DTX3L: variants seen among roughly 807,000 people sequenced by gnomAD.
DTX3L encodes E3 ubiquitin-protein ligase DTX3L.
Under a neutral mutation model 60.9 loss-of-function variants are expected in DTX3L, and 34 were observed. The ratio of observed to expected loss-of-function variants is 0.56; its 90% CI spans 0.42 to 0.74. The LOEUF is 0.74. Ranked by LOEUF, DTX3L falls within the 30% of genes least tolerant of loss-of-function variation. DTX3L has a pLI of 0.00. For synonymous variants in DTX3L, 290 were observed against 316.6 expected (o/e 0.92, Z 0.89); for missense variants, 810 against 874.0 (o/e 0.93, Z 0.92).
Position 122,569,381 on chromosome 3 carries a change from T to G in DTX3L, c.1292T>G (p.Val431Gly), listed in dbSNP as rs1379130199. The G allele has an allele frequency of 6.2e-7, 1 of 1,614,060 alleles. No individual in the cohort carries two copies. The highest frequency in any genetic ancestry group is 8.5e-7 in the Non-Finnish European group (1 of 1,180,042). ...AAGGACAGGCAGGTAGATCTATCTG[T>G]GCATGCTTATGCAAGTTTCATCGAT... is the stretch of plus-strand genomic sequence containing the variant. The part of the protein sequence containing the change: ...ESKDRQVDLS[V>G]HAYASFIDAF... Residue 431 changes from valine to glycine, a missense_variant, in exon 3 of 5, where the codon GTG becomes GGG. By Grantham distance (109) the Val-to-Gly change is moderately radical. Coordinates refer to ENST00000296161, the MANE Select transcript of DTX3L (RefSeq NM_138287.3).
At position 122,570,625 on chromosome 3, in the gene DTX3L, T is replaced by C. The variant is rs1200658401; in HGVS notation, c.2106T>C (p.Thr702=). 6.2e-7 allele frequency: 1 copy of C among 1,614,218 alleles called. No homozygotes were observed. Among genetic ancestry groups the C allele is most frequent in the Non-Finnish European group, 8.5e-7 (1 of 1,180,032 alleles). The change falls in exon 4 of 5, where the codon ACT becomes ACC. Residue 702 remains threonine, a synonymous_variant. Coordinates refer to ENST00000296161, the MANE Select transcript of DTX3L (RefSeq NM_138287.3). ...SRVLGVSDVI[T]WNDIHHKTSR... The stretch of plus-strand genomic sequence containing the variant: ...TATTAGGAGTCTCAGATGTCATCAC[T>C]TGGAATGATATTCACCACAAAACAT...
At chr3:122,566,230 G>A (rs1559901088) in intron 2 of DTX3L, among the ~76,000 whole-genome samples, 160 bp downstream of exon 2, 1 of 152,232 alleles carries the variant, frequency 6.6e-6, no homozygotes, top group Non-Finnish European at 1.5e-5. Context: ...CAAGGCCCCT[G>A]CTCTCAGGCA....
chr3:122,565,253 C>T (rs1223511949), intron 1 of DTX3L, among the ~76,000 whole-genome samples: 2 of 151,966 alleles, frequency 1.3e-5, no homozygotes, highest in Admixed American at 6.6e-5. Flanking sequence ...TGGCTCACGC[C>T]TGTAATCCTA....
intron 2 of DTX3L, among the ~76,000 whole-genome samples, chr3:122,568,139 G>A (rs1222192424): frequency 3.9e-5 from 6 of 152,148 alleles, no homozygotes; most frequent in Non-Finnish European, 4.4e-5. Context: ...GAGAAACCTC[G>A]TCTCTACTAA....
chr3:122,568,706 C>CA lies in DTX3L; in HGVS notation c.618dup (p.Glu207ArgfsTer18). On this transcript the variant is annotated frameshift_variant, in exon 3 of 5. Transcript: ENST00000296161. LOFTEE classifies it high-confidence loss of function. ...AAACAACAATTTTCCCCTTCAATGA[C>CA]AGAGAGGAAGCCACTCAGTCAGCAG... 6.2e-7 allele frequency: 1 copy of CA among 1,614,180 alleles called. No homozygotes were observed. The highest frequency in any genetic ancestry group is 8.5e-7 in the Non-Finnish European group (1 of 1,180,036).
intron 4 of DTX3L, among the ~76,000 whole-genome samples, 160 bp from the exon 5 acceptor site, chr3:122,571,518 T>A (rs1292757775): frequency 6.6e-6 from 1 of 152,248 alleles, no homozygotes; most frequent in Non-Finnish European, 1.5e-5. Flanking sequence ...GCGAAATGAC[T>A]CGCATCTGCG....
rs768832909 is a variant in DTX3L, at chr3:122,564,413, C to A, written c.-14C>A. 6 of 1,602,326 alleles carry A rather than the reference C, an allele frequency of 3.7e-6. No individual in the cohort carries two copies. The South Asian group carries it at 6.6e-5, about 18-fold the overall frequency. On this transcript the variant is annotated 5_prime_UTR_variant, in exon 1 of 5. Coordinates refer to ENST00000296161, the MANE Select transcript of DTX3L (RefSeq NM_138287.3). ...GCCTCCCGGAGCCCCCGCGCCCTCCCGACGCGCAGAGCCATGGCCTCCCAC... is the reference window on the plus strand; with the variant it reads ...GCCTCCCGGAGCCCCCGCGCCCTCCAGACGCGCAGAGCCATGGCCTCCCAC...
Position 122,568,824 on chromosome 3 carries a change from C to T in DTX3L, c.735C>T (p.Tyr245=), listed in dbSNP as rs1328977288. 1 of 1,614,032 alleles carries T rather than the reference C, an allele frequency of 6.2e-7. No individual in the cohort carries two copies. Among genetic ancestry groups the T allele is most frequent in the Admixed American group, 1.7e-5 (1 of 60,012 alleles). ...YFEVPLPYFE[Y]FKYICPDKIN... ...AAGTTCCCTTGCCTTACTTTGAATA[C>T]TTTAAATATATCTGTCCTGATAAAA... The change falls in exon 3 of 5, where the codon TAC becomes TAT. Residue 245 remains tyrosine, a synonymous_variant. Coordinates refer to ENST00000296161, the MANE Select transcript of DTX3L (RefSeq NM_138287.3).
At chr3:122,570,860 A>G (rs1036138184) in intron 4 of DTX3L, among the ~76,000 whole-genome samples, 188 bp downstream of exon 4, 2 of 152,218 alleles carry the variant, frequency 1.3e-5, no homozygotes, top group Admixed American at 1.3e-4. Context: ...TGCCAGCTAT[A>G]AAGTACTATG....
chr3:122,569,983 A>C lies in DTX3L; in HGVS notation c.1894A>C (p.Thr632Pro). The C allele has an allele frequency of 1.2e-6, 2 of 1,614,098 alleles. No homozygotes were observed. The highest frequency in any genetic ancestry group is 1.7e-6 in the Non-Finnish European group (2 of 1,180,022). Residue 632 changes from threonine to proline, a missense_variant, in exon 3 of 5, where the codon ACC becomes CCC. Coordinates refer to ENST00000296161, the MANE Select transcript of DTX3L (RefSeq NM_138287.3). ...DSLPGYESFG[T>P]IVITYSMKAG... Reference sequence around the variant, plus strand: ...ACTTCCAGGTTATGAGTCCTTTGGCACCATTGTGATTACTTATTCTATGAA... The same window carrying C: ...ACTTCCAGGTTATGAGTCCTTTGGCCCCATTGTGATTACTTATTCTATGAA...
rs367967191 is a variant in DTX3L, at chr3:122,564,521, G to C, written c.95G>C (p.Ser32Thr). 45 of 1,611,680 alleles carry C rather than the reference G, an allele frequency of 2.8e-5. No individual in the cohort carries two copies. Among genetic ancestry groups the C allele is most frequent in the Middle Eastern group, 3.3e-4 (2 of 6,056 alleles). Residue 32 changes from serine (S) to threonine (T), a missense_variant, in exon 1 of 5, where the codon AGC becomes ACC. By Grantham distance (58) the Ser-to-Thr change is moderately conservative. Coordinates refer to ENST00000296161, the MANE Select transcript of DTX3L (RefSeq NM_138287.3). The stretch of plus-strand genomic sequence containing the variant: ...AGGAAGCTGGAGAGCTACTTCCAGA[G>C]CTCTAAGTCCTCGGGCGGCGGGGAG... Reference protein sequence around the residue: ...VRRKLESYFQSSKSSGGGECT... With the variant: ...VRRKLESYFQTSKSSGGGECT...
rs2080653401 is a variant in DTX3L, at chr3:122,572,578, C to T, written c.*831C>T. 6.6e-6 allele frequency: 1 copy of T among 151,714 alleles called. No homozygotes were observed. Among genetic ancestry groups the T allele is most frequent in the African/African-American group, 2.4e-5 (1 of 41,278 alleles). 9.4% of individuals were successfully genotyped at this position (151,714 alleles called of 1,614,324 possible). ...AGCATTGGTAATAAATGGAATAAGACTATTATTATTATTATTTGAGATGGA... is the reference window on the plus strand; with the variant it reads ...AGCATTGGTAATAAATGGAATAAGATTATTATTATTATTATTTGAGATGGA... On this transcript the variant is annotated 3_prime_UTR_variant, in exon 5 of 5. Coordinates refer to ENST00000296161, the MANE Select transcript of DTX3L (RefSeq NM_138287.3).
chr3:122,569,052 C>T lies in DTX3L; in HGVS notation c.963C>T (p.Phe321=). The T allele has an allele frequency of 4.3e-6, 7 of 1,613,972 alleles. No individual in the cohort carries two copies. Among genetic ancestry groups the T allele is most frequent in the South Asian group, 1.1e-5 (1 of 91,048 alleles). Residue 321 remains phenylalanine, a synonymous_variant, in exon 3 of 5, where the codon TTC becomes TTT. Coordinates refer to ENST00000296161, the MANE Select transcript of DTX3L (RefSeq NM_138287.3). ...CAGACAGTAAGCAGGCAAATAAATT[C>T]AAACAGGAATTGAATCACCAGTTTA... ...SLADSKQANK[F]KQELNHQFTK...
At chr3:122,571,634 C>A in intron 4 of DTX3L, 44 bp from the exon 5 acceptor site, 1 of 1,487,364 alleles carries the variant, frequency 6.7e-7, no homozygotes, top group Non-Finnish European at 9.3e-7. Context: ...TTGCACATAT[C>A]CGAACAATTT....
chr3:122,571,321 T>C (rs1015493756), intron 4 of DTX3L, among the ~76,000 whole-genome samples: 1 of 152,154 alleles, frequency 6.6e-6, no homozygotes, highest in East Asian at 1.9e-4. Flanking sequence ...AACTGAAAAA[T>C]TTTAAGAATT....
Position 122,569,306 on chromosome 3 carries a change from G to A in DTX3L, c.1217G>A (p.Cys406Tyr). The A allele has an allele frequency of 6.2e-7, 1 of 1,614,186 alleles. No homozygotes were observed. The highest frequency in any genetic ancestry group is 8.5e-7 in the Non-Finnish European group (1 of 1,180,024). Residue 406 changes from cysteine to tyrosine, a missense_variant, in exon 3 of 5, where the codon TGC becomes TAC. Physicochemically the swap from Cys to Tyr is radical, Grantham distance 194. Coordinates refer to ENST00000296161, the MANE Select transcript of DTX3L (RefSeq NM_138287.3). ...GAGATCGAAAAAAGGTATGACATTT[G>A]CAGCAAGGTTTCTGAGAAAGGTCAG... The part of the protein sequence containing the change: ...ISEIEKRYDI[C>Y]SKVSEKGQKT...
Position 122,574,212 on chromosome 3 carries a change from C to T in DTX3L, c.*2465C>T, listed in dbSNP as rs1182454632. ...ATCATTTTATAATAACCGTAGCCCA[C>T]ATTGTAGTAGTTTTTCAGCTCTTTA... On this transcript the variant is annotated 3_prime_UTR_variant, in exon 5 of 5. Coordinates refer to ENST00000296161, the MANE Select transcript of DTX3L (RefSeq NM_138287.3). The T allele has an allele frequency of 1.3e-5, 2 of 152,122 alleles. No individual in the cohort carries two copies. Among genetic ancestry groups the T allele is most frequent in the East Asian group, 3.8e-4 (2 of 5,196 alleles). The allele number at this position is 152,122 out of a possible 1,614,324, so 9.4% of individuals were successfully genotyped here. A position where few individuals can be genotyped will look rare whatever the true frequency, so the allele number is the denominator to read the frequency against.
chr3:122,568,552 A>G lies in DTX3L; in HGVS notation c.463A>G (p.Ile155Val). Residue 155 changes from isoleucine (I) to valine (V), a missense_variant, in exon 3 of 5, where the codon ATA (isoleucine) becomes GTA (valine). Transcript: ENST00000296161. Reference sequence around the variant, plus strand: ...GTTCTCCAAAGAGCAGAGGGCATACATAACCACACTGTGCCCTAGTATCAG... The same window carrying G: ...GTTCTCCAAAGAGCAGAGGGCATACGTAACCACACTGTGCCCTAGTATCAG... The part of the protein sequence containing the change: ...NLFSKEQRAY[I>V]TTLCPSIRKM... 1 of 1,614,214 alleles carries G rather than the reference A, an allele frequency of 6.2e-7. No homozygotes were observed. Among genetic ancestry groups the G allele is most frequent in the Non-Finnish European group, 8.5e-7 (1 of 1,180,030 alleles).
chr3:122,570,016 A>C lies in DTX3L; in HGVS notation c.1927A>C (p.Ile643Leu). 4.3e-6 allele frequency: 7 copies of C among 1,613,844 alleles called. No individual in the cohort carries two copies. The highest frequency in any genetic ancestry group is 4.2e-6 in the Non-Finnish European group (5 of 1,180,040). ...GATTACTTATTCTATGAAAGCAGGC[A>C]TACAAACAGTAAGTATTTCTCAAGT... Reference protein sequence around the residue: ...IVITYSMKAGIQTEEHPNPGK... With the variant: ...IVITYSMKAGLQTEEHPNPGK... The change falls in exon 3 of 5, where the codon ATA becomes CTA. Residue 643 changes from isoleucine to leucine, a missense_variant. By Grantham distance (5) the Ile-to-Leu change is conservative. Coordinates refer to ENST00000296161, the MANE Select transcript of DTX3L (RefSeq NM_138287.3).
Sources: allele counts gnomAD v4.1 joint callset (sites outside exome capture counted in the v4.1 genomes callset), GRCh38; gene constraint gnomAD v4.1.1; transcripts MANE v1.5; gene names NCBI Gene and HGNC (gene_info 2026-07-23, HGNC 2026-07-21).